The following NT5C2 variants were observed in gnomAD, a reference collection of about 807,000 sequenced individuals.
NT5C2 encodes 5'-nucleotidase, cytosolic II.
NT5C2 carries 58 observed loss-of-function variants against 76.1 expected under a neutral mutation model. The observed-to-expected ratio is 0.76, with a 90% CI of 0.62 to 0.95. The LOEUF is 0.95. Ranked by LOEUF, NT5C2 falls within the 40% of genes least tolerant of loss-of-function variation. The pLI, the probability that NT5C2 is intolerant of heterozygous loss-of-function variation, is 0.00. For synonymous variants in NT5C2, 229 were observed against 237.4 expected, an observed-to-expected ratio of 0.96 and a Z score of 0.32; for missense variants, 478 against 690.3, an observed-to-expected ratio of 0.69 and a Z score of 3.45.
At chr10:103,189,997 C>CTTTT (rs1239145078) in intron 1 of NT5C2, among the ~76,000 whole-genome samples, 63 of 108,004 alleles carry the variant, frequency 5.8e-4, no homozygotes, top group Admixed American at 1.0e-3. Flanking sequence ...TTGTGGCTTT[C>CTTTT]TTTTTTTTTT....
chr10:103,112,629 C>T (rs2073318368), intron 4 of NT5C2, among the ~76,000 whole-genome samples: 1 of 152,148 alleles, frequency 6.6e-6, no homozygotes, highest in Non-Finnish European at 1.5e-5. Context: ...CACTGGGCTC[C>T]TCCAATTCTT....
chr10:103,177,549 G>A (rs1435494882), intron 2 of NT5C2, among the ~76,000 whole-genome samples: 1 of 151,876 alleles, frequency 6.6e-6, no homozygotes, highest in Non-Finnish European at 1.5e-5. Flanking sequence ...TCTGAGACAG[G>A]GTCTCACTGT....
At chr10:103,091,710 G>A in intron 15 of NT5C2, 95 bp from the exon 16 acceptor site, 3 of 1,006,840 alleles carry the variant, frequency 3.0e-6, no homozygotes, top group Non-Finnish European at 4.7e-6. Flanking sequence ...GATGTGACTG[G>A]AAAGTAGAAC....
chr10:103,149,718 T>C (rs1365095335), intron 3 of NT5C2, among the ~76,000 whole-genome samples: 1 of 152,148 alleles, frequency 6.6e-6, no homozygotes, highest in Non-Finnish European at 1.5e-5. Context: ...GAAGAAAATA[T>C]GGTTATCCAT....
rs1403366192 is a variant in NT5C2 at position 103,088,864 on chromosome 10, C to T, written c.*808G>A. ...TAGCATGAGCCACAGCTATATAGCCCACACTAATGCATGTTCTGTAGTATA... is the reference window on the plus strand; with the variant it reads ...TAGCATGAGCCACAGCTATATAGCCTACACTAATGCATGTTCTGTAGTATA... On this transcript the variant is annotated 3_prime_UTR_variant, in exon 19 of 19. Coordinates refer to ENST00000404739, the MANE Select transcript of NT5C2 (RefSeq NM_001351169.2). 3 of 202,706 alleles carry T rather than the reference C, an allele frequency of 1.5e-5. No homozygotes were observed. Among genetic ancestry groups the T allele is most frequent in the African/African-American group, 6.9e-5 (3 of 43,586 alleles). The allele number at this position is 202,706 out of a possible 1,614,324, so 12.6% of individuals were successfully genotyped here. A position where few individuals can be genotyped will look rare whatever the true frequency, so the allele number is the denominator to read the frequency against.
chr10:103,091,734 G>T (rs2066951830), intron 15 of NT5C2, 119 bp from the exon 16 acceptor site: 2 of 782,116 alleles, frequency 2.6e-6, no homozygotes, highest in Non-Finnish European at 2.2e-6. Context: ...GGACTAACAT[G>T]CTGAGTGTAC....
At chr10:103,123,513 C>T (rs116135817) in intron 4 of NT5C2, among the ~76,000 whole-genome samples, 123 of 152,196 alleles carry the variant, frequency 8.1e-4, no homozygotes, top group African/African-American at 2.8e-3. Flanking sequence ...TCATGCCTGG[C>T]CTTATTTTTG....
intron 3 of NT5C2, among the ~76,000 whole-genome samples, chr10:103,167,320 A>G (rs529811556): frequency 1.3e-5 from 2 of 152,088 alleles, no homozygotes; most frequent in African/African-American, 4.8e-5. Context: ...GCCCAGTCCC[A>G]TATGTATACT....
chr10:103,135,829 A>G (rs1330752675), intron 4 of NT5C2, among the ~76,000 whole-genome samples: 1 of 151,870 alleles, frequency 6.6e-6, no homozygotes, highest in Non-Finnish European at 1.5e-5. Flanking sequence ...TCATGCCTGT[A>G]ATCCCAGCAC....
At chr10:103,190,185 G>C (rs1393027930) in intron 1 of NT5C2, among the ~76,000 whole-genome samples, 7 of 151,528 alleles carry the variant, frequency 4.6e-5, no homozygotes, top group Admixed American at 4.6e-4. Context: ...ATTTTTAGTA[G>C]AGATGGGGTT....
rs1261055515 is a variant in NT5C2 at position 103,088,063 on chromosome 10, TAA to T, written c.*1607_*1608del. 3 of 152,248 alleles carry T rather than the reference TAA, an allele frequency of 2.0e-5. No individual in the cohort carries two copies. Among genetic ancestry groups the T allele is most frequent in the African/African-American group, 7.2e-5 (3 of 41,458 alleles). 9.4% of individuals were successfully genotyped at this position (152,248 alleles called of 1,614,324 possible). On this transcript the variant is annotated 3_prime_UTR_variant, in exon 19 of 19. Coordinates refer to ENST00000404739, the MANE Select transcript of NT5C2 (RefSeq NM_001351169.2). ...TCAGTTCTTGAATATTTATTTCCTT[TAA>T]GAGAATATCAAACTGATGTCACCAA...
chr10:103,110,392 G>A (rs1338870937), intron 4 of NT5C2, among the ~76,000 whole-genome samples: 1 of 152,118 alleles, frequency 6.6e-6, no homozygotes, highest in Non-Finnish European at 1.5e-5. Flanking sequence ...GGAGGCGGAG[G>A]TTGCAGTGAT....
chr10:103,162,819 G>C (rs1565235679), intron 3 of NT5C2, among the ~76,000 whole-genome samples: 1 of 151,782 alleles, frequency 6.6e-6, no homozygotes, highest in African/African-American at 2.4e-5. Flanking sequence ...CTAAAATACA[G>C]TAATAGTTTA....
At chr10:103,118,265 A>G (rs1425110067) in intron 4 of NT5C2, among the ~76,000 whole-genome samples, 1 of 152,176 alleles carries the variant, frequency 6.6e-6, no homozygotes, top group Non-Finnish European at 1.5e-5. Context: ...AGCTATGTAA[A>G]TCTATTCACC....
chr10:103,092,969 A>T (rs942674125), intron 15 of NT5C2, among the ~76,000 whole-genome samples, 170 bp downstream of exon 15: 1 of 152,202 alleles, frequency 6.6e-6, no homozygotes, highest in Non-Finnish European at 1.5e-5. Context: ...CAAATTCTGG[A>T]GTTCTGTGAA....
intron 4 of NT5C2, among the ~76,000 whole-genome samples, chr10:103,136,040 T>C (rs1045785714): frequency 1.3e-5 from 2 of 152,142 alleles, no homozygotes; most frequent in East Asian, 1.9e-4. Flanking sequence ...TGAGCCAGGA[T>C]TGCACCATTG....
Position 103,095,963 on chromosome 10 carries a change from C to A in NT5C2, c.789G>T (p.Leu263=), listed in dbSNP as rs765695355. 6.2e-7 allele frequency: 1 copy of A among 1,613,446 alleles called. No individual in the cohort carries two copies. The highest frequency in any genetic ancestry group is 8.5e-7 in the Non-Finnish European group (1 of 1,179,582). ...CCTTGGGGCCATGTGGGAAGTCAAA[C>A]AGGTAAGTCATAATTTTCTGGAAAA... ...YKYTDKIMTY[L]FDFPHGPKPG... The change falls in exon 12 of 19, where the codon CTG becomes CTT. Residue 263 remains leucine, a synonymous_variant. Transcript: ENST00000404739.
intron 3 of NT5C2, among the ~76,000 whole-genome samples, chr10:103,160,855 A>G (rs1292153380): frequency 6.6e-6 from 1 of 152,178 alleles, no homozygotes; most frequent in African/African-American, 2.4e-5. Flanking sequence ...TCTACTAAAA[A>G]TACAAAAATT....
At chr10:103,092,107 G>GACAGTA (rs2067074921) in intron 15 of NT5C2, among the ~76,000 whole-genome samples, 1 of 152,098 alleles carries the variant, frequency 6.6e-6, no homozygotes, top group Admixed American at 6.5e-5. Flanking sequence ...TGATAGTACA[G>GACAGTA]ACAGTAACAG....
Sources: gnomAD v4.1 joint callset for allele counts (sites outside exome capture counted in the v4.1 genomes callset) on GRCh38, gnomAD v4.1.1 for gene constraint, MANE v1.5 for transcripts, NCBI Gene and HGNC (gene_info 2026-07-23, HGNC 2026-07-21) for gene names.